The following ZNF384 variants were observed in gnomAD, a reference collection of about 807,000 sequenced individuals.
ZNF384 encodes the protein zinc finger protein 384, also known as CAG repeat protein 1.
Under a neutral mutation model 65.0 loss-of-function variants are expected in ZNF384, and 20 were observed. The observed-to-expected ratio is 0.31, with a 90% CI of 0.22 to 0.45. The LOEUF is 0.45. Among genes scored for constraint, ZNF384 ranks in the 20% least tolerant of loss-of-function variants. The pLI is 1.00. For missense variants in ZNF384, 549 were observed against 769.4 expected (o/e 0.71, Z 3.39); for synonymous variants, 310 against 303.9 (o/e 1.02, Z -0.21).
At chr12:6,683,496 G>A (rs1188736622) in intron 2 of ZNF384, among the ~76,000 whole-genome samples, 3 of 150,168 alleles carry the variant, frequency 2.0e-5, no homozygotes, top group East Asian at 2.0e-4. Context: ...TGGCCAACAC[G>A]GCAAAACCCC....
intron 6 of ZNF384, among the ~76,000 whole-genome samples, chr12:6,677,544 T>TA (rs1468142629): frequency 1.3e-5 from 2 of 152,114 alleles, no homozygotes; most frequent in Non-Finnish European, 2.9e-5. Flanking sequence ...AAGGGGAACT[T>TA]AGAGGAAGTG....
chr12:6,679,498 G>A lies in ZNF384; in HGVS notation c.23C>T (p.Ser8Phe). The change falls in exon 3 of 12, where the codon TCT becomes TTT. Residue 8 changes from serine (S) to phenylalanine (F), a missense_variant. Transcript: ENST00000683879. ...GATAGAAGGCCAGAAGTACGGGTTA[G>A]AATTGAAGTGAGATTCTTCCATTCT... MEESHFN[S>F]NPYFWPSIPT... 1 of 1,614,036 alleles carries A rather than the reference G, an allele frequency of 6.2e-7. No homozygotes were observed. The highest frequency in any genetic ancestry group is 8.5e-7 in the Non-Finnish European group (1 of 1,179,906).
chr12:6,668,958 C>A (rs1045750586), intron 11 of ZNF384, 73 bp downstream of exon 11: 1 of 1,489,524 alleles, frequency 6.7e-7, no homozygotes, highest in Non-Finnish European at 9.0e-7. Context: ...CAGATCTCTA[C>A]CCAGAAAATG....
At chr12:6,686,177 C>T (rs1957845882) in intron 2 of ZNF384, among the ~76,000 whole-genome samples, 1 of 152,190 alleles carries the variant, frequency 6.6e-6, no homozygotes, top group Non-Finnish European at 1.5e-5. Context: ...ATTCCCTTAA[C>T]ACAACCAACC....
At chr12:6,686,972 A>C (rs929498036) in intron 2 of ZNF384, among the ~76,000 whole-genome samples, 1 of 152,244 alleles carries the variant, frequency 6.6e-6, no homozygotes, top group Non-Finnish European at 1.5e-5. Flanking sequence ...TTAAGACGCT[A>C]TTGAGAAACC....
chr12:6,688,306 T>G (rs113756914), intron 1 of ZNF384, 80 bp from the exon 2 acceptor site: 2,583 of 152,668 alleles, frequency 0.017, 31 homozygotes, highest in Non-Finnish European at 0.022. Context: ...AGGAATTATT[T>G]GTCAGCAGTC....
Position 6,678,923 on chromosome 12 carries a change from T to C in ZNF384, c.304+23A>G, listed in dbSNP as rs1241867352. On this transcript the variant is annotated intron_variant, in intron 4 of 11. Coordinates refer to ENST00000683879, the MANE Select transcript of ZNF384 (RefSeq NM_001385745.1). This position sits in a 1 kb window ranked among gnomAD's most constrained non-coding sequence, Gnocchi z 4.9. Reference sequence around the variant, plus strand: ...ATCATGGAAGATCAACACCTCAGATTGGAGAAGAGCAGAGTTGCTCACCAG... The same window carrying C: ...ATCATGGAAGATCAACACCTCAGATCGGAGAAGAGCAGAGTTGCTCACCAG... The C allele has an allele frequency of 1.9e-6, 3 of 1,608,036 alleles. No individual in the cohort carries two copies. Among genetic ancestry groups the C allele is most frequent in the Non-Finnish European group, 2.6e-6 (3 of 1,175,140 alleles).
rs758804340 is a variant in ZNF384, at chr12:6,678,465, G to A, written c.353-5C>T. 1 of 1,574,194 alleles carries A rather than the reference G, an allele frequency of 6.4e-7. No homozygotes were observed. The highest frequency in any genetic ancestry group is 1.9e-5 in the Admixed American group (1 of 52,224). The stretch of plus-strand genomic sequence containing the variant: ...ACGTGATTACCAAACCCGGACCTAG[G>A]ATTGGGAGAAAAAGGAGATGGCGTC... On this transcript the variant is annotated splice_region_variant and splice_polypyrimidine_tract_variant and intron_variant, in intron 5 of 11. Coordinates refer to ENST00000683879, the MANE Select transcript of ZNF384 (RefSeq NM_001385745.1). This position sits in a 1 kb window ranked among gnomAD's most constrained non-coding sequence, Gnocchi z 4.9.
rs1320127108 is a variant in ZNF384 at position 6,678,835 on chromosome 12, A to G, written c.304+111T>C. Reference sequence around the variant, plus strand: ...ACAGTAGGCACTTAATAAAAATTTGATTGAATAATCAAACACATATCCCAC... The same window carrying G: ...ACAGTAGGCACTTAATAAAAATTTGGTTGAATAATCAAACACATATCCCAC... On this transcript the variant is annotated intron_variant, in intron 4 of 11. Coordinates refer to ENST00000683879, the MANE Select transcript of ZNF384 (RefSeq NM_001385745.1). This position sits in a 1 kb window ranked among gnomAD's most constrained non-coding sequence, Gnocchi z 4.9. 13 of 1,466,618 alleles carry G rather than the reference A, an allele frequency of 8.9e-6. No homozygotes were observed. Among genetic ancestry groups the G allele is most frequent in the African/African-American group, 1.4e-5 (1 of 71,700 alleles). 90.9% of individuals were successfully genotyped at this position (1,466,618 alleles called of 1,614,324 possible).
chr12:6,672,393 G>T lies in ZNF384; in HGVS notation c.1144C>A (p.Gln382Lys). The change falls in exon 9 of 12, where the codon CAG (glutamine) becomes AAG (lysine). Residue 382 changes from glutamine (Q) to lysine (K), a missense_variant. Gln to Lys is a moderately conservative substitution (Grantham distance 53, BLOSUM62 1). Transcript: ENST00000683879. The surrounding 1 kb of genome is among the most constrained non-coding windows in gnomAD (Gnocchi z 4.4). ...GAKPYNCSYC[Q>K]KAFRQLSHLQ... Reference sequence around the variant, plus strand: ...TGGGAGAGCTGGCGGAAGGCCTTCTGGCAGTAGGAACAGTTGTAGGGCTTG... The same window carrying T: ...TGGGAGAGCTGGCGGAAGGCCTTCTTGCAGTAGGAACAGTTGTAGGGCTTG... 1 of 1,614,062 alleles carries T rather than the reference G, an allele frequency of 6.2e-7. No homozygotes were observed. The highest frequency in any genetic ancestry group is 2.2e-5 in the East Asian group (1 of 44,890).
chr12:6,676,126 CCT>C (rs969551244), intron 7 of ZNF384, among the ~76,000 whole-genome samples: 1 of 152,132 alleles, frequency 6.6e-6, no homozygotes, highest in Non-Finnish European at 1.5e-5. Flanking sequence ...GTGGTGAAAC[CCT>C]GTCTCTACTA....
At chr12:6,685,953 G>A (rs1301449264) in intron 2 of ZNF384, among the ~76,000 whole-genome samples, 2 of 152,180 alleles carry the variant, frequency 1.3e-5, no homozygotes, top group Non-Finnish European at 2.9e-5. Context: ...CGTGAAACAC[G>A]GTAGGACTTG....
intron 3 of ZNF384, 70 bp from the exon 4 acceptor site, chr12:6,679,253 A>AAG: frequency 7.1e-7 from 1 of 1,413,622 alleles, no homozygotes; most frequent in Non-Finnish European, 9.7e-7. Flanking sequence ...GCTCGTGAGC[A>AAG]CACTTCAGTG....
chr12:6,667,677 A>G lies in ZNF384; in HGVS notation c.*37T>C. ...GTTGGAGAAAGAAGACACCAGGACT[A>G]CTTCTTCCTCTTCCCAGTGGGTGGC... On this transcript the variant is annotated 3_prime_UTR_variant, in exon 12 of 12. Coordinates refer to ENST00000683879, the MANE Select transcript of ZNF384 (RefSeq NM_001385745.1). 1 of 1,613,218 alleles carries G rather than the reference A, an allele frequency of 6.2e-7. No homozygotes were observed.
rs1949875043 is a variant in ZNF384 at position 6,666,731 on chromosome 12, A to T, written c.*983T>A. On this transcript the variant is annotated 3_prime_UTR_variant, in exon 12 of 12. Coordinates refer to ENST00000683879, the MANE Select transcript of ZNF384 (RefSeq NM_001385745.1). ...GACAAAAATAAACAAAACATCAAATATGAAAATTCTCAGAGATAATGCATT... is the reference window on the plus strand; with the variant it reads ...GACAAAAATAAACAAAACATCAAATTTGAAAATTCTCAGAGATAATGCATT... 3 of 170,576 alleles carry T rather than the reference A, an allele frequency of 1.8e-5. No individual in the cohort carries two copies. The South Asian group carries it at 6.0e-4, about 34-fold the overall frequency. 10.6% of individuals were successfully genotyped at this position (170,576 alleles called of 1,614,324 possible).
intron 7 of ZNF384, among the ~76,000 whole-genome samples, 160 bp downstream of exon 7, chr12:6,677,007 A>G (rs1953892345): frequency 6.6e-6 from 1 of 152,224 alleles, no homozygotes; most frequent in South Asian, 2.1e-4. Context: ...AACACAAATA[A>G]AAATAAATGC....
chr12:6,679,042 C>G lies in ZNF384; in HGVS notation c.208G>C (p.Glu70Gln). 1 of 1,614,104 alleles carries G rather than the reference C, an allele frequency of 6.2e-7. No individual in the cohort carries two copies. Among genetic ancestry groups the G allele is most frequent in the Non-Finnish European group, 8.5e-7 (1 of 1,180,024 alleles). ...GGGGTCAGCTGGTCTGACTTGGACT[C>G]TGTGTCCATACTGATGCCTGAGGGC... is the stretch of plus-strand genomic sequence containing the variant. ...SLPSGISMDT[E>Q]SKSDQLTPHS... Residue 70 changes from glutamate (E) to glutamine (Q), a missense_variant, in exon 4 of 12, where the codon GAG (glutamate) becomes CAG (glutamine). This residue lies in a region of ZNF384 where 277 missense variants were observed against 337.2 expected (regional missense o/e 0.82). Transcript: ENST00000683879.
rs1315927863 is a variant in ZNF384 at position 6,681,707 on chromosome 12, C to A, written c.-5-2182G>T. 3.9e-5 allele frequency among the ~76,000 whole-genome samples: 6 copies of A among 152,300 alleles called. No homozygotes were observed. In the East Asian group the frequency reaches 9.6e-4, roughly 24 times the overall value. On this transcript the variant is annotated intron_variant, in intron 2 of 11. Coordinates refer to ENST00000683879, the MANE Select transcript of ZNF384 (RefSeq NM_001385745.1). ...GAAGCTGAAAATTACTCTAACATAA[C>A]TCTGTTCCTTATCCTTTTATAGAAA... is the stretch of plus-strand genomic sequence containing the variant.
Position 6,668,007 on chromosome 12 carries a change from G to T in ZNF384, c.1534C>A (p.Gln512Lys). The change falls in exon 12 of 12, where the codon CAA becomes AAA. Residue 512 changes from glutamine (Q) to lysine (K), a missense_variant. Around this residue, in one of 5 missense-constraint regions of ZNF384, gnomAD observed 136 missense variants for 183.0 expected, o/e 0.74. Coordinates refer to ENST00000683879, the MANE Select transcript of ZNF384 (RefSeq NM_001385745.1). ...AAVAQAQAQA[Q>K]AQAQAQAQAQ... ...TGAGCCTGAGCCTGAGCCTGGGCTT[G>T]AGCTTGAGCCTGGGCCTGGGCCACT... 1.2e-6 allele frequency: 2 copies of T among 1,613,376 alleles called. No homozygotes were observed. Among genetic ancestry groups the T allele is most frequent in the Non-Finnish European group, 8.5e-7 (1 of 1,179,734 alleles).
Sources: allele counts gnomAD v4.1 joint callset (sites outside exome capture counted in the v4.1 genomes callset), GRCh38; gene constraint gnomAD v4.1.1; regional missense constraint gnomAD v4.1.1; non-coding constraint Gnocchi (gnomAD v3.1); transcripts MANE v1.5; gene names NCBI Gene and HGNC (gene_info 2026-07-23, HGNC 2026-07-21).